Variants in MACROD2 observed in about 807,000 individuals in gnomAD.
MACROD2 encodes the protein ADP-ribose glycohydrolase MACROD2.
A neutral mutation model predicts 70.4 loss-of-function variants in MACROD2; 36 were observed. The ratio of observed to expected loss-of-function variants is 0.51; its 90% CI spans 0.39 to 0.68. MACROD2 has a LOEUF of 0.68. Among genes scored for constraint, MACROD2 ranks in the 30% least tolerant of loss-of-function variants. MACROD2 has a pLI of 0.00. For synonymous variants in MACROD2, 172 were observed against 178.8 expected (o/e 0.96, Z 0.30); for missense variants, 496 against 538.4 (o/e 0.92, Z 0.78).
At chr20:15,490,280 T>C (rs934749453) in intron 7 of MACROD2, among the ~76,000 whole-genome samples, 4 of 148,290 alleles carry the variant, frequency 2.7e-5, no homozygotes, top group Non-Finnish European at 5.9e-5. Context: ...TCTCTTTCTT[T>C]CTTTCCTTCT....
chr20:14,954,691 A>AT (rs1600867782), intron 5 of MACROD2, among the ~76,000 whole-genome samples: 1 of 35,458 alleles, frequency 2.8e-5, no homozygotes, highest in Non-Finnish European at 6.3e-5. Context: ...ATATTTATAT[A>AT]AAATTATAAA....
chr20:15,973,596 A>G lies in MACROD2; in HGVS notation c.985+5966A>G, dbSNP rs188353415. ...TAACTAGCAGTGTAACAAAAGCCTCATGTATCAAATAAGATGACAGAAACA... is the reference window on the plus strand; with the variant it reads ...TAACTAGCAGTGTAACAAAAGCCTCGTGTATCAAATAAGATGACAGAAACA... On this transcript the variant is annotated intron_variant, in intron 13 of 17. Coordinates refer to ENST00000684519, the MANE Select transcript of MACROD2 (RefSeq NM_001351661.2). Among the ~76,000 whole-genome samples, 384 of 152,354 alleles carry G rather than the reference A, an allele frequency of 2.5e-3. 1 individual carries two copies. The highest frequency in any genetic ancestry group is 4.5e-3 in the Non-Finnish European group (308 of 68,022).
intron 4 of MACROD2, among the ~76,000 whole-genome samples, chr20:14,551,940 T>C (rs1978680853): frequency 6.6e-6 from 1 of 152,126 alleles, no homozygotes; most frequent in Non-Finnish European, 1.5e-5. Context: ...ACTCTACTTA[T>C]TTCACTTTTT....
intron 5 of MACROD2, among the ~76,000 whole-genome samples, chr20:14,745,974 A>G (rs1360518767): frequency 1.3e-5 from 2 of 152,192 alleles, no homozygotes; most frequent in African/African-American, 4.8e-5. Flanking sequence ...CTGAAGGAAC[A>G]GTTTGAAGAC....
chr20:15,573,409 T>C (rs1264883476), intron 8 of MACROD2, among the ~76,000 whole-genome samples: 1 of 152,174 alleles, frequency 6.6e-6, no homozygotes, highest in Non-Finnish European at 1.5e-5. Flanking sequence ...AGATTTCAAA[T>C]TACTGTGTTC....
chr20:14,036,234 T>C (rs1402169834), intron 2 of MACROD2, among the ~76,000 whole-genome samples: 1 of 152,218 alleles, frequency 6.6e-6, no homozygotes, highest in Non-Finnish European at 1.5e-5. Flanking sequence ...TTAAGTAGCC[T>C]TTACTTGTCT....
rs1462436452 is a variant in MACROD2, at chr20:15,801,455, A to T, written c.646-61290A>T. ...CTAAGGCAGCTGAGGAACTTCCAGAATGCTTTAATAAATTAATATCAAACA... is the reference window on the plus strand; with the variant it reads ...CTAAGGCAGCTGAGGAACTTCCAGATTGCTTTAATAAATTAATATCAAACA... On this transcript the variant is annotated intron_variant, in intron 8 of 17. Transcript: ENST00000684519. 2.0e-5 allele frequency among the ~76,000 whole-genome samples: 3 copies of T among 150,854 alleles called. No homozygotes were observed. The South Asian group carries it at 6.3e-4, about 32-fold the overall frequency.
Position 14,217,121 on chromosome 20 carries a change from C to T in MACROD2, c.271+131393C>T, listed in dbSNP as rs186453607. On this transcript the variant is annotated intron_variant, in intron 3 of 17. Coordinates refer to ENST00000684519, the MANE Select transcript of MACROD2 (RefSeq NM_001351661.2). The stretch of plus-strand genomic sequence containing the variant: ...GGAATGCTTTCAATTTTTCCCCATT[C>T]GGTATTTTGTTGGCTGTGGGTTTGT... Among the ~76,000 whole-genome samples, 14 of 152,106 alleles carry T rather than the reference C, an allele frequency of 9.2e-5. No individual in the cohort carries two copies. In the East Asian group the frequency reaches 1.4e-3, roughly 15 times the overall value.
chr20:15,094,399 CTCAA>C (rs1302456002), intron 5 of MACROD2, among the ~76,000 whole-genome samples: 1 of 152,096 alleles, frequency 6.6e-6, no homozygotes, highest in East Asian at 1.9e-4. Flanking sequence ...CAGTAAAAGA[CTCAA>C]TCAAGTTAGA....
At chr20:15,229,766 G>A (rs2076943335) in intron 5 of MACROD2, among the ~76,000 whole-genome samples, 174 bp from the exon 6 acceptor site, 2 of 152,188 alleles carry the variant, frequency 1.3e-5, no homozygotes, top group Admixed American at 6.5e-5. Flanking sequence ...TACTTTAGGA[G>A]GTTGTGCTAC....
At chr20:15,228,135 A>G (rs1360443095) in intron 5 of MACROD2, among the ~76,000 whole-genome samples, 2 of 152,172 alleles carry the variant, frequency 1.3e-5, no homozygotes, top group Non-Finnish European at 2.9e-5. Flanking sequence ...GCTTGAATTT[A>G]TGCAACTCTT....
intron 15 of MACROD2, among the ~76,000 whole-genome samples, chr20:16,017,520 T>G (rs2066945158): frequency 6.6e-6 from 1 of 152,238 alleles, no homozygotes. Context: ...ACTTACTGAT[T>G]TATTTGCTTT....
At chr20:14,429,623 G>A (rs1269322050) in intron 3 of MACROD2, among the ~76,000 whole-genome samples, 1 of 152,146 alleles carries the variant, frequency 6.6e-6, no homozygotes, top group Non-Finnish European at 1.5e-5. Context: ...GCTGTGGATG[G>A]TTCTTGGCAT....
chr20:14,861,511 GA>G (rs1444246178), intron 5 of MACROD2, among the ~76,000 whole-genome samples: 2 of 152,004 alleles, frequency 1.3e-5, no homozygotes, highest in East Asian at 1.9e-4. Flanking sequence ...CCTACTCTCT[GA>G]TATCCTGCTG....
At chr20:14,271,514 C>G (rs1292765924) in intron 3 of MACROD2, among the ~76,000 whole-genome samples, 5 of 152,006 alleles carry the variant, frequency 3.3e-5, no homozygotes, top group African/African-American at 1.2e-4. Flanking sequence ...CGTCAAAGAG[C>G]AAAAGTGGAT....
chr20:15,302,468 A>G (rs953093242), intron 6 of MACROD2, among the ~76,000 whole-genome samples: 4 of 152,042 alleles, frequency 2.6e-5, no homozygotes, highest in African/African-American at 9.7e-5. Context: ...TGCCTTACTC[A>G]CTTAACAGTT....
intron 6 of MACROD2, among the ~76,000 whole-genome samples, chr20:15,239,614 C>T (rs971056297): frequency 1.3e-5 from 2 of 152,114 alleles, no homozygotes; most frequent in Non-Finnish European, 2.9e-5. Flanking sequence ...GCAGTCTCTC[C>T]ATCTCTTCTG....
At chr20:15,597,494 G>A (rs2048761461) in intron 8 of MACROD2, among the ~76,000 whole-genome samples, 1 of 152,168 alleles carries the variant, frequency 6.6e-6, no homozygotes, top group Admixed American at 6.5e-5. Context: ...GTGTAAACAG[G>A]CCTTAGCAGT....
At chr20:15,243,044 T>A (rs1471531713) in intron 6 of MACROD2, among the ~76,000 whole-genome samples, 1 of 152,044 alleles carries the variant, frequency 6.6e-6, no homozygotes, top group East Asian at 1.9e-4. Context: ...GTGTGAGGAG[T>A]CTAGACCTGT....
Sources: allele counts gnomAD v4.1 joint callset (sites outside exome capture counted in the v4.1 genomes callset), GRCh38; gene constraint gnomAD v4.1.1; transcripts MANE v1.5; gene names NCBI Gene and HGNC (gene_info 2026-07-23, HGNC 2026-07-21).